The following GNA12 variants were observed in gnomAD, a reference collection of about 807,000 sequenced individuals.
GNA12 encodes the protein guanine nucleotide-binding protein subunit alpha-12.
Under a neutral mutation model 26.0 loss-of-function variants are expected in GNA12, and 9 were observed. The ratio of observed to expected loss-of-function variants is 0.35; its 90% CI spans 0.21 to 0.60. The LOEUF (loss-of-function observed/expected upper bound fraction) is 0.60, where lower values mean the gene tolerates loss of function less well. GNA12 is among the 20% of genes least tolerant of loss of function. The pLI is 0.78. For missense variants in GNA12, 405 were observed against 525.8 expected (o/e 0.77, Z 2.25); for synonymous variants, 264 against 219.6 (o/e 1.20, Z -1.79).
At chr7:2,811,410 C>A (rs1163545642) in intron 1 of GNA12, among the ~76,000 whole-genome samples, 1 of 152,224 alleles carries the variant, frequency 6.6e-6, no homozygotes, top group African/African-American at 2.4e-5. Context: ...CCAGCCTTGG[C>A]AGAGAAAGCC....
At chr7:2,754,519 G>C (rs1354589220) in intron 2 of GNA12, among the ~76,000 whole-genome samples, 1 of 151,628 alleles carries the variant, frequency 6.6e-6, no homozygotes, top group South Asian at 2.1e-4. Flanking sequence ...AGGGCAGGAA[G>C]ATCCCTTGAG....
chr7:2,805,379 C>G (rs6976214), intron 1 of GNA12, among the ~76,000 whole-genome samples: 24,713 of 152,260 alleles, frequency 0.16, 2,110 homozygotes, highest in Non-Finnish European at 0.2. Flanking sequence ...GTTATCAAGC[C>G]TGACCGATTT....
At chr7:2,767,498 C>T (rs1005392668) in intron 2 of GNA12, among the ~76,000 whole-genome samples, 3 of 152,192 alleles carry the variant, frequency 2.0e-5, no homozygotes, top group Non-Finnish European at 2.9e-5. Flanking sequence ...GTGACCCTTT[C>T]GATAGCCACC....
intron 1 of GNA12, among the ~76,000 whole-genome samples, chr7:2,818,201 G>A (rs2115492067): frequency 6.6e-6 from 1 of 152,116 alleles, no homozygotes; most frequent in East Asian, 1.9e-4. Flanking sequence ...TAAAAAACTG[G>A]CCATCTGACA....
intron 1 of GNA12, among the ~76,000 whole-genome samples, chr7:2,838,541 G>A (rs1778902636): frequency 6.6e-6 from 1 of 152,146 alleles, no homozygotes; most frequent in African/African-American, 2.4e-5. Flanking sequence ...CCATGATCGT[G>A]CCACTGCGCT....
chr7:2,787,589 T>C (rs927605949), intron 2 of GNA12, among the ~76,000 whole-genome samples: 3 of 152,224 alleles, frequency 2.0e-5, no homozygotes, highest in African/African-American at 4.8e-5. Context: ...AACGCCACTC[T>C]GGGAAGCTAC....
intron 2 of GNA12, among the ~76,000 whole-genome samples, chr7:2,787,409 G>C (rs1429270566): frequency 6.6e-6 from 1 of 152,104 alleles, no homozygotes; most frequent in Non-Finnish European, 1.5e-5. Context: ...CAGGCACCAC[G>C]AGCTGTCGCC....
intron 1 of GNA12, among the ~76,000 whole-genome samples, chr7:2,830,008 AG>A (rs1793566512): frequency 6.6e-6 from 1 of 152,172 alleles, no homozygotes; most frequent in Admixed American, 6.5e-5. Flanking sequence ...TCCTGCCTCG[AG>A]CTGTGGTCAG....
At chr7:2,743,578 G>C (rs890716726) in intron 2 of GNA12, among the ~76,000 whole-genome samples, 1 of 152,170 alleles carries the variant, frequency 6.6e-6, no homozygotes, top group Non-Finnish European at 1.5e-5. Flanking sequence ...GGCCGAATAG[G>C]AACAGCTCCG....
chr7:2,755,433 GCTT>G (rs1266719819), intron 2 of GNA12, among the ~76,000 whole-genome samples: 3 of 152,130 alleles, frequency 2.0e-5, no homozygotes, highest in Non-Finnish European at 2.9e-5. Context: ...AGTGTTTCGT[GCTT>G]CTTATCAAAC....
rs148158618 is a variant in GNA12, at chr7:2,824,396, T to C, written c.309+19457A>G. On this transcript the variant is annotated intron_variant, in intron 1 of 3. Transcript: ENST00000275364. The stretch of plus-strand genomic sequence containing the variant: ...TACACAGCCATCACACTGGCTCCTC[T>C]GGGTCTGCGGAGGCCTCTGCACTTG... Among the ~76,000 whole-genome samples the C allele has an allele frequency of 2.1e-4, 32 of 152,290 alleles. No individual in the cohort carries two copies. The East Asian group carries it at 3.3e-3, about 16-fold the overall frequency.
intron 2 of GNA12, among the ~76,000 whole-genome samples, chr7:2,754,822 T>A (rs1389732664): frequency 6.6e-6 from 1 of 152,192 alleles, no homozygotes; most frequent in Non-Finnish European, 1.5e-5. Context: ...AAAATTTGAT[T>A]TCAACGGATC....
chr7:2,781,099 C>T (rs538530655), intron 2 of GNA12, among the ~76,000 whole-genome samples: 1 of 152,278 alleles, frequency 6.6e-6, no homozygotes, highest in South Asian at 2.1e-4. Context: ...TATTGAAAGC[C>T]GTAACTCATA....
At chr7:2,814,755 A>T in intron 1 of GNA12, 1 of 887,016 alleles carries the variant, frequency 1.1e-6, no homozygotes, top group Non-Finnish European at 1.7e-6. Flanking sequence ...GAAGTTTATC[A>T]GCCTGTCCAA....
At chr7:2,732,295 T>C (rs1193226708) in intron 3 of GNA12, among the ~76,000 whole-genome samples, 1 of 152,174 alleles carries the variant, frequency 6.6e-6, no homozygotes, top group East Asian at 1.9e-4. Context: ...CTCACACCTA[T>C]AATCCTGGTG....
At chr7:2,779,839 C>T (rs1355069995) in intron 2 of GNA12, among the ~76,000 whole-genome samples, 3 of 151,918 alleles carry the variant, frequency 2.0e-5, no homozygotes, top group Admixed American at 1.3e-4. Flanking sequence ...CTCATGTGAT[C>T]TGCCCACCTC....
intron 1 of GNA12, among the ~76,000 whole-genome samples, chr7:2,838,533 A>T (rs1778902210): frequency 6.6e-6 from 1 of 152,194 alleles, no homozygotes; most frequent in South Asian, 2.1e-4. Context: ...ACAGTGAGCC[A>T]TGATCGTGCC....
chr7:2,746,688 T>C (rs1004552389), intron 2 of GNA12, among the ~76,000 whole-genome samples: 9 of 151,670 alleles, frequency 5.9e-5, no homozygotes, highest in African/African-American at 2.2e-4. Context: ...CTGAAGGAAA[T>C]AGAGACACAA....
chr7:2,789,100 G>C (rs900936246), intron 2 of GNA12, among the ~76,000 whole-genome samples: 1 of 148,372 alleles, frequency 6.7e-6, no homozygotes, highest in African/African-American at 2.5e-5. Context: ...AAGTACAGGC[G>C]TGAGCCACCG....
Sources: allele counts gnomAD v4.1 joint callset (sites outside exome capture counted in the v4.1 genomes callset), GRCh38; gene constraint gnomAD v4.1.1; transcripts MANE v1.5; gene names NCBI Gene and HGNC (gene_info 2026-07-23, HGNC 2026-07-21).